Variants in HS3ST4 observed in about 807,000 individuals in gnomAD.
HS3ST4 encodes heparan sulfate glucosamine 3-O-sulfotransferase 4.
Under a neutral mutation model 29.2 loss-of-function variants are expected in HS3ST4, and 17 were observed. The observed-to-expected ratio is 0.58, with a 90% confidence interval of 0.40 to 0.87. The LOEUF is 0.87. Among genes scored for constraint, HS3ST4 ranks in the 40% least tolerant of loss-of-function variants. HS3ST4 has a pLI of 0.00. For synonymous variants in HS3ST4, 314 were observed against 285.7 expected (o/e 1.10, Z -1.00); for missense variants, 627 against 634.5 (o/e 0.99, Z 0.13).
intron 1 of HS3ST4, among the ~76,000 whole-genome samples, chr16:25,751,405 A>AC (rs1368553203): frequency 2.0e-5 from 3 of 152,202 alleles, no homozygotes; most frequent in African/African-American, 4.8e-5. Context: ...CAGAGACTGC[A>AC]CTTAGTATCC....
At chr16:26,038,747 G>T (rs1018346179) in intron 1 of HS3ST4, among the ~76,000 whole-genome samples, 2 of 151,934 alleles carry the variant, frequency 1.3e-5, no homozygotes, top group African/African-American at 4.8e-5. Context: ...GCAGTGGTGC[G>T]ATCTCGGCTC....
At chr16:25,810,038 G>A (rs1396998404) in intron 1 of HS3ST4, among the ~76,000 whole-genome samples, 2 of 151,738 alleles carry the variant, frequency 1.3e-5, no homozygotes, top group Non-Finnish European at 2.9e-5. Flanking sequence ...TCTTCATCTG[G>A]TTTCTTGAGG....
chr16:25,858,040 CTTCT>C (rs1396981501), intron 1 of HS3ST4, among the ~76,000 whole-genome samples: 4 of 141,838 alleles, frequency 2.8e-5, no homozygotes, highest in South Asian at 2.3e-4. Flanking sequence ...CTTTCTCTTT[CTTCT>C]TTCTCTTTCT....
At chr16:25,725,953 TC>T (rs1193361653) in intron 1 of HS3ST4, among the ~76,000 whole-genome samples, 14 of 152,336 alleles carry the variant, frequency 9.2e-5, no homozygotes, top group African/African-American at 3.1e-4. Flanking sequence ...TGCCTTGCAG[TC>T]AGAAATGCAT....
intron 1 of HS3ST4, among the ~76,000 whole-genome samples, chr16:25,836,004 C>T (rs929456100): frequency 6.6e-5 from 10 of 151,962 alleles, no homozygotes; most frequent in East Asian, 3.9e-4. Flanking sequence ...GGCTGGGTGG[C>T]GGAAATCATA....
chr16:26,038,163 T>C (rs367867441), intron 1 of HS3ST4, among the ~76,000 whole-genome samples: 158 of 152,246 alleles, frequency 1.0e-3, no homozygotes, highest in African/African-American at 3.7e-3. Flanking sequence ...GACGTCAAGC[T>C]CAGCCCTCTG....
At chr16:25,811,919 G>A (rs895591596) in intron 1 of HS3ST4, among the ~76,000 whole-genome samples, 21 of 152,178 alleles carry the variant, frequency 1.4e-4, no homozygotes, top group East Asian at 3.9e-4. Context: ...TGGGGTTGGC[G>A]CCCCTAACCC....
At chr16:25,775,319 T>TA (rs1042896903) in intron 1 of HS3ST4, among the ~76,000 whole-genome samples, 2 of 152,080 alleles carry the variant, frequency 1.3e-5, no homozygotes, top group African/African-American at 4.8e-5. Context: ...TGCCCTCCCA[T>TA]AAAAAAGACA....
intron 1 of HS3ST4, among the ~76,000 whole-genome samples, chr16:25,936,899 A>C (rs958466557): frequency 6.6e-6 from 1 of 152,232 alleles, no homozygotes; most frequent in Non-Finnish European, 1.5e-5. Flanking sequence ...GGAAGAACGG[A>C]AATGGAAAGT....
At chr16:25,787,495 C>T (rs1966859365) in intron 1 of HS3ST4, among the ~76,000 whole-genome samples, 1 of 152,218 alleles carries the variant, frequency 6.6e-6, no homozygotes, top group African/African-American at 2.4e-5. Context: ...ACCTGCCTGA[C>T]CCTTGTAGGG....
chr16:26,080,519 T>C (rs975372890), intron 1 of HS3ST4, among the ~76,000 whole-genome samples: 1 of 151,910 alleles, frequency 6.6e-6, no homozygotes, highest in Non-Finnish European at 1.5e-5. Context: ...AATAGAGGCA[T>C]GGAAGTTAGA....
intron 1 of HS3ST4, among the ~76,000 whole-genome samples, chr16:25,837,076 C>T (rs1417964321): frequency 6.6e-6 from 1 of 152,218 alleles, no homozygotes; most frequent in African/African-American, 2.4e-5. Context: ...TTCCAATCCG[C>T]AGTTCATGGA....
chr16:26,047,724 TAATTC>T (rs1304438456), intron 1 of HS3ST4, among the ~76,000 whole-genome samples: 1 of 152,210 alleles, frequency 6.6e-6, no homozygotes, highest in African/African-American at 2.4e-5. Context: ...TCCTTGTACT[TAATTC>T]AATCTTAACG....
chr16:25,794,315 A>T (rs570337338), intron 1 of HS3ST4, among the ~76,000 whole-genome samples: 23 of 151,976 alleles, frequency 1.5e-4, no homozygotes, highest in African/African-American at 5.5e-4. Flanking sequence ...CTCATATTTA[A>T]TCTTTCTTTA....
At chr16:25,912,447 C>G (rs1044471310) in intron 1 of HS3ST4, among the ~76,000 whole-genome samples, 1 of 152,174 alleles carries the variant, frequency 6.6e-6, no homozygotes, top group Non-Finnish European at 1.5e-5. Flanking sequence ...TAAAATGTCA[C>G]TCCTTCGAGG....
At chr16:25,905,793 A>G (rs920272603) in intron 1 of HS3ST4, among the ~76,000 whole-genome samples, 5 of 152,112 alleles carry the variant, frequency 3.3e-5, no homozygotes, top group Non-Finnish European at 5.9e-5. Context: ...GATTAGTGTT[A>G]TGAAAGAGAG....
intron 1 of HS3ST4, among the ~76,000 whole-genome samples, chr16:26,074,960 T>A (rs1240666911): frequency 6.6e-6 from 1 of 152,174 alleles, no homozygotes; most frequent in Non-Finnish European, 1.5e-5. Context: ...TTTGGGAGGC[T>A]GAGGCAGGTA....
intron 1 of HS3ST4, among the ~76,000 whole-genome samples, chr16:25,847,986 GTTTGTC>G (rs1375475613): frequency 6.6e-6 from 1 of 152,044 alleles, no homozygotes; most frequent in Non-Finnish European, 1.5e-5. Context: ...TCAGTTTTAT[GTTTGTC>G]TTTGAGAATG....
At chr16:26,005,931 C>T (rs1969253809) in intron 1 of HS3ST4, among the ~76,000 whole-genome samples, 1 of 152,106 alleles carries the variant, frequency 6.6e-6, no homozygotes, top group African/African-American at 2.4e-5. Context: ...TTGTGACAAA[C>T]AAGCAAGTTT....
Sources: allele counts gnomAD v4.1 joint callset (sites outside exome capture counted in the v4.1 genomes callset), GRCh38; gene constraint gnomAD v4.1.1; transcripts MANE v1.5; gene names NCBI Gene and HGNC (gene_info 2026-07-23, HGNC 2026-07-21).